KATNIP: variants seen among roughly 807,000 people sequenced by gnomAD.
The protein encoded by KATNIP is katanin interacting protein, also known as katanin-interacting protein.
A neutral mutation model predicts 174.0 loss-of-function variants in KATNIP; 126 were observed. The observed-to-expected ratio is 0.72, with a 90% confidence interval of 0.63 to 0.84. The LOEUF is 0.84. Among genes scored for constraint, KATNIP ranks in the 40% least tolerant of loss-of-function variants. The pLI is 0.00. For missense variants in KATNIP, 1,958 were observed against 2,109.7 expected (o/e 0.93, Z 1.41); for synonymous variants, 810 against 835.7 (o/e 0.97, Z 0.53).
At chr16:27,639,158 G>T (rs1401923571) in intron 5 of KATNIP, among the ~76,000 whole-genome samples, 2 of 152,196 alleles carry the variant, frequency 1.3e-5, no homozygotes, top group Non-Finnish European at 2.9e-5. Context: ...TTGACCAGAA[G>T]GTCACAGAGT....
intron 6 of KATNIP, among the ~76,000 whole-genome samples, chr16:27,674,554 C>T (rs1464201881): frequency 6.6e-6 from 1 of 152,202 alleles, no homozygotes; most frequent in Non-Finnish European, 1.5e-5. Flanking sequence ...TCCATTCTTA[C>T]GTATTCTCTA....
intron 6 of KATNIP, chr16:27,654,719 A>T (rs1479455686): frequency 1.5e-6 from 2 of 1,351,970 alleles, no homozygotes; most frequent in African/African-American, 1.5e-5. Flanking sequence ...GATCCTCTTA[A>T]CTATTCAGGA....
intron 5 of KATNIP, among the ~76,000 whole-genome samples, chr16:27,633,406 AT>A (rs560838154): frequency 0.018 from 2,724 of 147,356 alleles, 34 homozygotes; most frequent in Non-Finnish European, 0.029. Context: ...TATATTTTTT[AT>A]TTTTTTATAT....
intron 1 of KATNIP, among the ~76,000 whole-genome samples, chr16:27,551,903 A>G (rs1162225487): frequency 6.6e-6 from 1 of 151,954 alleles, no homozygotes; most frequent in African/African-American, 2.4e-5. Context: ...GTGGCTCATA[A>G]TAATCATAAT....
intron 2 of KATNIP, among the ~76,000 whole-genome samples, chr16:27,615,357 A>C (rs1198471152): frequency 8.3e-6 from 1 of 120,806 alleles, no homozygotes; most frequent in African/African-American, 3.1e-5. Flanking sequence ...TTATTTATTT[A>C]TTATTATTTT....
Position 27,648,351 on chromosome 16 carries a change from G to A in KATNIP, c.409-253G>A, listed in dbSNP as rs532940591. ...AAAAGTTATTTTTAAAAATTCTCCT[G>A]CACGTTCTTTGGACAGCAAGAAACA... On this transcript the variant is annotated intron_variant, in intron 5 of 27. Transcript: ENST00000261588. Among the ~76,000 whole-genome samples, 6 of 152,038 alleles carry A rather than the reference G, an allele frequency of 3.9e-5. No homozygotes were observed. The South Asian group carries it at 1.3e-3, about 32-fold the overall frequency.
chr16:27,740,978 A>T, intron 15 of KATNIP, 58 bp downstream of exon 15: 1 of 1,418,454 alleles, frequency 7.0e-7, no homozygotes, highest in Non-Finnish European at 9.2e-7. Flanking sequence ...TCTAATTGGC[A>T]TGAAGCCAGT....
At chr16:27,571,577 G>T (rs1171519626) in intron 1 of KATNIP, among the ~76,000 whole-genome samples, 4 of 152,184 alleles carry the variant, frequency 2.6e-5, no homozygotes, top group Non-Finnish European at 5.9e-5. Flanking sequence ...TCAGTCAGGC[G>T]CTGGGATCTG....
intron 21 of KATNIP, 150 bp from the exon 22 acceptor site, chr16:27,771,438 C>T (rs150048750): frequency 3.3e-4 from 219 of 656,340 alleles, no homozygotes; most frequent in African/African-American, 5.6e-4. Flanking sequence ...GAACTCCACA[C>T]GAGCAGGGGC....
At chr16:27,575,488 A>G (rs755286044) in intron 2 of KATNIP, among the ~76,000 whole-genome samples, 2 of 152,232 alleles carry the variant, frequency 1.3e-5, no homozygotes, top group Non-Finnish European at 2.9e-5. Flanking sequence ...ACACTGACCA[A>G]TCGAGAAATT....
At chr16:27,560,593 C>T (rs1029446364) in intron 1 of KATNIP, among the ~76,000 whole-genome samples, 1 of 152,186 alleles carries the variant, frequency 6.6e-6, no homozygotes, top group Non-Finnish European at 1.5e-5. Flanking sequence ...TCTTCTTTCG[C>T]ACCTCGCTGC....
chr16:27,560,079 C>T (rs548463550), intron 1 of KATNIP, among the ~76,000 whole-genome samples: 9 of 149,064 alleles, frequency 6.0e-5, no homozygotes, highest in African/African-American at 1.7e-4. Flanking sequence ...GTCAGGAGTT[C>T]AAGACTAGCC....
chr16:27,659,098 A>G (rs2077386081), intron 6 of KATNIP, among the ~76,000 whole-genome samples: 1 of 152,164 alleles, frequency 6.6e-6, no homozygotes, highest in East Asian at 1.9e-4. Flanking sequence ...AATATTGACC[A>G]TTAATATCAA....
rs759552177 is a variant in KATNIP at position 27,648,700 on chromosome 16, C to T, written c.505C>T (p.Leu169Phe). 2.4e-5 allele frequency: 39 copies of T among 1,614,060 alleles called. No homozygotes were observed. In the South Asian group the frequency reaches 3.7e-4, roughly 15 times the overall value. The change falls in exon 6 of 28, where the codon CTC (leucine) becomes TTC (phenylalanine). Residue 169 changes from leucine (L) to phenylalanine (F), a missense_variant. Around this residue, in one of 3 missense-constraint regions of KATNIP, gnomAD observed 1,557 missense variants for 1,617.8 expected, o/e 0.96. Transcript: ENST00000261588. ...DDFELCGDVTLQANNTSEDRP... is the reference protein window; with the variant it reads ...DDFELCGDVTFQANNTSEDRP... ...TTTTGAGCTGTGTGGGGATGTGACT[C>T]TCCAGGCAAACAACACTTCTGAGGA...
intron 2 of KATNIP, among the ~76,000 whole-genome samples, chr16:27,585,335 A>G (rs2090854889): frequency 6.6e-6 from 1 of 152,232 alleles, no homozygotes; most frequent in South Asian, 2.1e-4. Context: ...TTTGTTGGGA[A>G]TGTAAATTAG....
chr16:27,630,849 T>C (rs1279912440), intron 4 of KATNIP, among the ~76,000 whole-genome samples: 1 of 152,202 alleles, frequency 6.6e-6, no homozygotes, highest in African/African-American at 2.4e-5. Flanking sequence ...ATGGCATGGA[T>C]ATATATACTG....
chr16:27,585,982 T>A (rs1268101535), intron 2 of KATNIP, among the ~76,000 whole-genome samples: 1 of 152,028 alleles, frequency 6.6e-6, no homozygotes, highest in Non-Finnish European at 1.5e-5. Flanking sequence ...ACACCTGTAG[T>A]CCCAGCTACT....
At chr16:27,713,065 C>T (rs1420436817) in intron 13 of KATNIP, among the ~76,000 whole-genome samples, 5 of 152,150 alleles carry the variant, frequency 3.3e-5, no homozygotes, top group African/African-American at 9.7e-5. Context: ...GCCTTGGCCT[C>T]CCAAAGCACT....
chr16:27,669,253 G>C (rs1044029350), intron 6 of KATNIP: 13 of 984,762 alleles, frequency 1.3e-5, no homozygotes, highest in Non-Finnish European at 1.4e-5. Context: ...ATTTCAGTCA[G>C]TGGTTCTTCT....
Sources: gnomAD v4.1 joint callset for allele counts (sites outside exome capture counted in the v4.1 genomes callset) on GRCh38, gnomAD v4.1.1 for gene constraint, gnomAD v4.1.1 regional missense constraint, MANE v1.5 for transcripts, NCBI Gene and HGNC (gene_info 2026-07-23, HGNC 2026-07-21) for gene names.